CHN1: variants seen among roughly 807,000 people sequenced by gnomAD.
CHN1 encodes chimerin 1.
In CHN1, 37 loss-of-function variants were observed where a neutral mutation model predicts 59.5. The observed-to-expected ratio is 0.62, with a 90% CI of 0.48 to 0.82. The LOEUF is 0.82. Among genes scored for constraint, CHN1 ranks in the 40% least tolerant of loss-of-function variants. CHN1 has a pLI of 0.00. For synonymous variants in CHN1, 206 were observed against 200.4 expected, an observed-to-expected ratio of 1.03 and a Z score of -0.24; for missense variants, 469 against 571.0, an observed-to-expected ratio of 0.82 and a Z score of 1.82.
intron 7 of CHN1, among the ~76,000 whole-genome samples, chr2:174,841,648 C>T (rs1393524380): frequency 6.6e-6 from 1 of 151,446 alleles, no homozygotes; most frequent in Non-Finnish European, 1.5e-5. Flanking sequence ...TATAATTCCA[C>T]TTAATTTCTT....
At chr2:174,867,202 T>A (rs1687245905) in intron 6 of CHN1, among the ~76,000 whole-genome samples, 1 of 151,940 alleles carries the variant, frequency 6.6e-6, no homozygotes, top group South Asian at 2.1e-4. Context: ...GGTGAAACTC[T>A]ATCTTTACTA....
intron 3 of CHN1, among the ~76,000 whole-genome samples, chr2:174,944,509 C>T (rs1689769534): frequency 6.6e-6 from 1 of 152,018 alleles, no homozygotes; most frequent in South Asian, 2.1e-4. Context: ...ATCTTTTGTT[C>T]ATTTTTAAAA....
chr2:174,856,468 G>C (rs531710898), intron 6 of CHN1, among the ~76,000 whole-genome samples: 8 of 152,034 alleles, frequency 5.3e-5, no homozygotes, highest in Non-Finnish European at 8.8e-5. Flanking sequence ...CTCCCTGATC[G>C]ATTCACATGC....
At chr2:174,914,842 C>CAAAAA (rs577375465) in intron 5 of CHN1, among the ~76,000 whole-genome samples, 1 of 100,040 alleles carries the variant, frequency 1.0e-5, no homozygotes, top group African/African-American at 3.7e-5. Context: ...AGATTCCATT[C>CAAAAA]AAAAAAAAAA....
In CHN1 at chr2:174,842,244, G is replaced by A. The variant is rs549587098; in HGVS notation, c.627+4636C>T. On this transcript the variant is annotated intron_variant, in intron 7 of 12. Coordinates refer to ENST00000409900, the MANE Select transcript of CHN1 (RefSeq NM_001822.7). ...GCAAGGAAGAATGGAGGGAGGCAAG[G>A]TGGTGGTGTGAGGGTTGGTGGGGAT... Among the ~76,000 whole-genome samples the A allele has an allele frequency of 2.0e-5, 3 of 152,306 alleles. No homozygotes were observed. In the South Asian group the frequency reaches 6.2e-4, roughly 32 times the overall value.
chr2:174,978,830 A>T (rs1691040324), intron 1 of CHN1, among the ~76,000 whole-genome samples: 1 of 152,242 alleles, frequency 6.6e-6, no homozygotes, highest in South Asian at 2.1e-4. Context: ...CAAACCAGTA[A>T]TAAAATGTTT....
chr2:174,962,634 C>T (rs796893112), intron 1 of CHN1, among the ~76,000 whole-genome samples: 2 of 133,000 alleles, frequency 1.5e-5, no homozygotes, highest in Admixed American at 9.5e-5. Flanking sequence ...CGGTGGCTCA[C>T]GCCTGCAATC....
At chr2:174,866,532 G>GT in intron 6 of CHN1, among the ~76,000 whole-genome samples, 1 of 152,220 alleles carries the variant, frequency 6.6e-6, no homozygotes, top group Admixed American at 6.5e-5. Flanking sequence ...TTTTGTGGGG[G>GT]TTTTTTCTGT....
intron 5 of CHN1, among the ~76,000 whole-genome samples, chr2:174,913,262 C>G (rs1191627810): frequency 6.6e-6 from 1 of 152,074 alleles, no homozygotes; most frequent in Non-Finnish European, 1.5e-5. Context: ...AAATGGCAAC[C>G]AAAAGGAAAG....
intron 1 of CHN1, among the ~76,000 whole-genome samples, chr2:174,975,563 A>G (rs778699200): frequency 1.1e-4 from 16 of 152,030 alleles, no homozygotes; most frequent in Admixed American, 2.0e-4. Context: ...AACCCTCTGT[A>G]CCTGGAAGAG....
chr2:174,836,032 GCTCTGTCTC>G (rs1430853706), intron 7 of CHN1, among the ~76,000 whole-genome samples: 1 of 152,118 alleles, frequency 6.6e-6, no homozygotes, highest in Non-Finnish European at 1.5e-5. Context: ...TTTGTGTGCA[GCTCTGTCTC>G]CTCAGGCAGT....
chr2:174,861,902 T>C (rs1281651926), intron 6 of CHN1, among the ~76,000 whole-genome samples: 4 of 152,272 alleles, frequency 2.6e-5, no homozygotes, highest in South Asian at 4.1e-4. Context: ...GGAGGAATAA[T>C]GTAAAGTGCC....
intron 4 of CHN1, among the ~76,000 whole-genome samples, chr2:174,917,780 T>C (rs936366983): frequency 7.2e-5 from 11 of 152,112 alleles, no homozygotes; most frequent in Non-Finnish European, 4.4e-5. Flanking sequence ...AAAATATTTA[T>C]AATGTATACT....
intron 1 of CHN1, among the ~76,000 whole-genome samples, chr2:174,957,934 G>GC (rs1690265505): frequency 6.6e-6 from 1 of 152,162 alleles, no homozygotes; most frequent in Admixed American, 6.5e-5. Flanking sequence ...ATGCAATAAA[G>GC]CCCCAATGAA....
At chr2:174,998,709 G>A (rs1008049024) in intron 1 of CHN1, among the ~76,000 whole-genome samples, 1 of 152,020 alleles carries the variant, frequency 6.6e-6, no homozygotes, top group Admixed American at 6.6e-5. Flanking sequence ...TCCAAGAAGT[G>A]CTTACTTTTC....
chr2:174,962,308 A>G (rs2105427390), intron 1 of CHN1, among the ~76,000 whole-genome samples: 1 of 152,250 alleles, frequency 6.6e-6, no homozygotes, highest in Non-Finnish European at 1.5e-5. Flanking sequence ...CAAACAAAGA[A>G]GAAATATTTC....
chr2:174,831,796 T>C (rs2105412146), intron 7 of CHN1, among the ~76,000 whole-genome samples: 2 of 152,316 alleles, frequency 1.3e-5, no homozygotes, highest in Middle Eastern at 6.8e-3. Context: ...ACTTAGAAAG[T>C]AAGCTTCATT....
At chr2:174,829,572 T>C (rs1279146885) in intron 7 of CHN1, among the ~76,000 whole-genome samples, 2 of 152,230 alleles carry the variant, frequency 1.3e-5, no homozygotes, top group Non-Finnish European at 2.9e-5. Flanking sequence ...TTAATCTTCA[T>C]TGTTCCTTTC....
chr2:174,814,169 G>A (rs889024816), intron 8 of CHN1, among the ~76,000 whole-genome samples: 26 of 152,174 alleles, frequency 1.7e-4, no homozygotes, highest in African/African-American at 6.3e-4. Flanking sequence ...AGGTGTCAAG[G>A]GAAGCTGGGT....
Sources: gnomAD v4.1 joint callset for allele counts (sites outside exome capture counted in the v4.1 genomes callset) on GRCh38, gnomAD v4.1.1 for gene constraint, MANE v1.5 for transcripts, NCBI Gene and HGNC (gene_info 2026-07-23, HGNC 2026-07-21) for gene names.